The following RAPGEF2 variants were observed in gnomAD, a reference collection of about 807,000 sequenced individuals.
RAPGEF2 encodes the protein Rap guanine nucleotide exchange factor 2, also known as PDZ domain containing guanine nucleotide exchange factor (GEF) 1.
In RAPGEF2, 54 loss-of-function variants were observed where a neutral mutation model predicts 186.7. That is an observed-to-expected ratio of 0.29 (90% CI 0.23 to 0.36). The LOEUF is 0.36. RAPGEF2 is among the 10% of genes least tolerant of loss of function. RAPGEF2 has a pLI of 1.00. For missense variants in RAPGEF2, 1,532 were observed against 2,045.0 expected (o/e 0.75, Z 4.84); for synonymous variants, 712 against 705.9 (o/e 1.01, Z -0.14).
intron 7 of RAPGEF2, among the ~76,000 whole-genome samples, chr4:159,261,489 T>C (rs1756874642): frequency 6.6e-6 from 1 of 152,254 alleles, no homozygotes; most frequent in African/African-American, 2.4e-5. Flanking sequence ...ATAATTTTAG[T>C]TCATGTTTCT....
At chr4:159,262,645 T>G (rs1757001832) in intron 7 of RAPGEF2, among the ~76,000 whole-genome samples, 1 of 152,210 alleles carries the variant, frequency 6.6e-6, no homozygotes, top group Middle Eastern at 3.2e-3. Flanking sequence ...CTTACAGGCT[T>G]CTTTGTTTTT....
At chr4:159,209,457 G>A (rs929072388) in intron 3 of RAPGEF2, among the ~76,000 whole-genome samples, 1 of 152,214 alleles carries the variant, frequency 6.6e-6, no homozygotes, top group Non-Finnish European at 1.5e-5. Flanking sequence ...CTCCCTGCCT[G>A]TTGCCTGGAA....
At chr4:159,173,884 A>G (rs2111255130) in intron 1 of RAPGEF2, among the ~76,000 whole-genome samples, 1 of 152,350 alleles carries the variant, frequency 6.6e-6, no homozygotes, top group Non-Finnish European at 1.5e-5. Context: ...GACTACAAAT[A>G]TTGCAGTCTG....
intron 28 of RAPGEF2, among the ~76,000 whole-genome samples, chr4:159,355,171 A>G (rs1462367471): frequency 1.3e-5 from 2 of 152,216 alleles, no homozygotes; most frequent in African/African-American, 4.8e-5. Context: ...TTAAAAGTTC[A>G]AGAAAATGAA....
At chr4:159,197,201 A>G (rs1417218150) in intron 3 of RAPGEF2, among the ~76,000 whole-genome samples, 3 of 152,252 alleles carry the variant, frequency 2.0e-5, no homozygotes, top group African/African-American at 4.8e-5. Context: ...AAGTTGCAGC[A>G]TACTGCCAAT....
chr4:159,355,281 A>G (rs1731802894), intron 28 of RAPGEF2, among the ~76,000 whole-genome samples: 1 of 152,208 alleles, frequency 6.6e-6, no homozygotes, highest in South Asian at 2.1e-4. Flanking sequence ...ATAGTTTTAG[A>G]ATTTTTAAAT....
At chr4:159,209,058 T>G (rs1399835903) in intron 3 of RAPGEF2, among the ~76,000 whole-genome samples, 1 of 151,812 alleles carries the variant, frequency 6.6e-6, no homozygotes, top group African/African-American at 2.4e-5. Flanking sequence ...ACTGGCTAAT[T>G]TTTTTGTATT....
chr4:159,160,277 C>G (rs1158324508), intron 1 of RAPGEF2, among the ~76,000 whole-genome samples: 1 of 152,188 alleles, frequency 6.6e-6, no homozygotes, highest in Non-Finnish European at 1.5e-5. Context: ...CTGATACTTA[C>G]AGAAAGCCAG....
At chr4:159,168,145 C>CA (rs1209526709) in intron 1 of RAPGEF2, among the ~76,000 whole-genome samples, 1 of 152,144 alleles carries the variant, frequency 6.6e-6, no homozygotes, top group Non-Finnish European at 1.5e-5. Flanking sequence ...GTGAATTCTA[C>CA]AAGGAAGTTA....
chr4:159,280,060 A>G (rs1759483091), intron 7 of RAPGEF2, among the ~76,000 whole-genome samples: 1 of 152,074 alleles, frequency 6.6e-6, no homozygotes, highest in Non-Finnish European at 1.5e-5. Context: ...TCCCATCCAT[A>G]TGGTTCGCCA....
At chr4:159,226,225 T>C (rs1397801433) in intron 4 of RAPGEF2, among the ~76,000 whole-genome samples, 1 of 152,198 alleles carries the variant, frequency 6.6e-6, no homozygotes. Context: ...TAGAAGAGTT[T>C]ATTGAAAAAA....
At chr4:159,341,181 T>TGA (rs1410797648) in intron 19 of RAPGEF2, among the ~76,000 whole-genome samples, 1 of 152,236 alleles carries the variant, frequency 6.6e-6, no homozygotes, top group Non-Finnish European at 1.5e-5. Context: ...ATAAGAGTGA[T>TGA]GACGTACTTG....
chr4:159,186,736 A>T (rs1747591664), intron 2 of RAPGEF2, 24 bp downstream of exon 2: 7 of 1,305,858 alleles, frequency 5.4e-6, no homozygotes, highest in Non-Finnish European at 7.3e-6. Flanking sequence ...ATATTCAGTT[A>T]ATCATAGAAT....
At chr4:159,170,382 T>C (rs2111246110) in intron 1 of RAPGEF2, among the ~76,000 whole-genome samples, 1 of 152,158 alleles carries the variant, frequency 6.6e-6, no homozygotes, top group East Asian at 1.9e-4. Context: ...CAACCAACCA[T>C]GGATCGAAGA....
At chr4:159,289,062 A>T (rs760460308) in intron 7 of RAPGEF2, among the ~76,000 whole-genome samples, 55 of 152,176 alleles carry the variant, frequency 3.6e-4, no homozygotes, top group Middle Eastern at 3.4e-3. Context: ...ATCTTTTTTT[A>T]AAATTTTTTA....
At chr4:159,213,716 G>C (rs1215033597) in intron 4 of RAPGEF2, among the ~76,000 whole-genome samples, 1 of 151,972 alleles carries the variant, frequency 6.6e-6, no homozygotes, top group Non-Finnish European at 1.5e-5. Context: ...AGGGTGGTTT[G>C]GGTATGTATT....
Position 159,304,607 on chromosome 4 carries a change from T to C in RAPGEF2, c.675+134T>C, listed in dbSNP as rs1475967257. The C allele has an allele frequency of 3.8e-6, 3 of 799,900 alleles. No individual in the cohort carries two copies. The African/African-American group carries it at 5.4e-5, about 14-fold the overall frequency. 49.6% of individuals were successfully genotyped at this position (799,900 alleles called of 1,614,324 possible). On this transcript the variant is annotated intron_variant, in intron 8 of 29. Transcript: ENST00000691494. ...TGCATGTAAGTACATAAAATATTAA[T>C]GTTTATTTCGTATATGTTATTTTTA...
chr4:159,313,040 C>T (rs895055023), intron 8 of RAPGEF2, among the ~76,000 whole-genome samples: 66 of 152,038 alleles, frequency 4.3e-4, no homozygotes, highest in African/African-American at 1.5e-3. Flanking sequence ...CCCAGCTACT[C>T]GGGAGGCTGA....
Position 159,359,192 on chromosome 4 carries a change from C to G in RAPGEF2, c.*1053C>G, listed in dbSNP as rs1252951773. ...AAGAGAAACATTTATAACTGGATAG[C>G]ATTGCAGTGAAAGCAGCTTGGGATG... On this transcript the variant is annotated 3_prime_UTR_variant, in exon 30 of 30. Transcript: ENST00000691494. 6.6e-6 allele frequency: 1 copy of G among 152,046 alleles called. No individual in the cohort carries two copies. 9.4% of individuals were successfully genotyped at this position (152,046 alleles called of 1,614,324 possible). A position where few individuals can be genotyped will look rare whatever the true frequency, so the allele number is the denominator to read the frequency against.
Sources: gnomAD v4.1 joint callset for allele counts (sites outside exome capture counted in the v4.1 genomes callset) on GRCh38, gnomAD v4.1.1 for gene constraint, MANE v1.5 for transcripts, NCBI Gene and HGNC (gene_info 2026-07-23, HGNC 2026-07-21) for gene names.